Variants in PCSK6 observed in about 807,000 individuals in gnomAD.
The protein encoded by PCSK6 is paired basic amino acid cleaving enzyme 4.
A neutral mutation model predicts 123.3 loss-of-function variants in PCSK6; 85 were observed. The observed-to-expected ratio is 0.69, with a 90% CI of 0.58 to 0.83. PCSK6 has a LOEUF of 0.83. Ranked by LOEUF, PCSK6 falls within the 40% of genes least tolerant of loss-of-function variation. PCSK6 has a pLI of 0.00. For synonymous variants in PCSK6, 508 were observed against 516.0 expected (o/e 0.98, Z 0.21); for missense variants, 1,191 against 1,282.3 (o/e 0.93, Z 1.09).
At chr15:101,330,315 C>A (rs2040348140) in intron 15 of PCSK6, among the ~76,000 whole-genome samples, 1 of 152,210 alleles carries the variant, frequency 6.6e-6, no homozygotes, top group African/African-American at 2.4e-5. Context: ...CGCTCACTTC[C>A]TCTATTTCTT....
rs10666147 is a variant in PCSK6 at position 101,409,584 on chromosome 15, CA to C, written c.824-11009del. ...TGGGCGACAGAGTAAGACTCCGTCT[CA>C]AAAAAAAAAAAAAAATGCAGGGAAA... On this transcript the variant is annotated intron_variant, in intron 6 of 21. Coordinates refer to ENST00000611716, the MANE Select transcript of PCSK6 (RefSeq NM_002570.5). Among the ~76,000 whole-genome samples, 448 of 121,756 alleles carry C rather than the reference CA, an allele frequency of 3.7e-3. 1 individual carries two copies. The highest frequency in any genetic ancestry group is 6.9e-3 in the African/African-American group (226 of 32,706). The allele number at this position is 121,756 out of a possible 152,430, so 79.9% of individuals were successfully genotyped here.
intron 6 of PCSK6, among the ~76,000 whole-genome samples, chr15:101,422,817 T>C (rs750019791): frequency 6.6e-6 from 1 of 151,724 alleles, no homozygotes; most frequent in African/African-American, 2.4e-5. Context: ...GAGATGGGGT[T>C]TCACTGTGTT....
intron 1 of PCSK6, among the ~76,000 whole-genome samples, chr15:101,457,132 AC>A (rs1197008360): frequency 1.3e-5 from 2 of 152,190 alleles, no homozygotes; most frequent in Non-Finnish European, 2.9e-5. Flanking sequence ...AGATCGTGCC[AC>A]CGCACTCCAG....
chr15:101,438,576 C>G (rs2056667937), intron 2 of PCSK6, among the ~76,000 whole-genome samples: 2 of 152,230 alleles, frequency 1.3e-5, no homozygotes, highest in South Asian at 4.1e-4. Context: ...CCAAGTTCCT[C>G]TCTCCCGAGG....
intron 20 of PCSK6, chr15:101,309,205 G>C (rs8023325): frequency 0.044 from 6,665 of 152,636 alleles, 238 homozygotes; most frequent in Non-Finnish European, 0.061. Flanking sequence ...CGAGGTTCAG[G>C]GCAAGGTGGT....
At chr15:101,356,596 C>T (rs890172600) in intron 13 of PCSK6, among the ~76,000 whole-genome samples, 2 of 151,304 alleles carry the variant, frequency 1.3e-5, no homozygotes, top group African/African-American at 4.9e-5. Flanking sequence ...AGAAGAATCG[C>T]TTAAACCTGG....
chr15:101,335,250 C>T (rs757061958), intron 13 of PCSK6, among the ~76,000 whole-genome samples: 12 of 152,180 alleles, frequency 7.9e-5, no homozygotes, highest in South Asian at 4.1e-4. Flanking sequence ...GTGAGCCACG[C>T]GCCCAGCCTG....
At chr15:101,322,192 G>A (rs545578487) in intron 18 of PCSK6, among the ~76,000 whole-genome samples, 15 of 152,300 alleles carry the variant, frequency 9.8e-5, no homozygotes, top group East Asian at 3.9e-4. Flanking sequence ...GCCCATCCCC[G>A]GCCCAGACAG....
intron 12 of PCSK6, among the ~76,000 whole-genome samples, chr15:101,369,201 G>T (rs1417066386): frequency 6.6e-6 from 1 of 152,238 alleles, no homozygotes; most frequent in African/African-American, 2.4e-5. Context: ...GCTGTGGGGG[G>T]CACAGCACAG....
At chr15:101,346,544 G>A (rs149382330) in intron 13 of PCSK6, 82 of 275,688 alleles carry the variant, frequency 3.0e-4, no homozygotes, top group Non-Finnish European at 4.4e-4. Flanking sequence ...AGTGTTTCTG[G>A]AAATAGGTAA....
At position 101,460,694 on chromosome 15, in the gene PCSK6, C is replaced by T. The variant is rs936347952; in HGVS notation, c.298-17034G>A. On this transcript the variant is annotated intron_variant, in intron 1 of 21. Transcript: ENST00000611716. ...GTCTAAGAACTGATTTCCAAGAAAG[C>T]ATAGTCTTTGGCTGTAATGCAATTA... Among the ~76,000 whole-genome samples, 105 of 152,322 alleles carry T rather than the reference C, an allele frequency of 6.9e-4. 1 individual carries two copies. Among genetic ancestry groups the T allele is most frequent in the African/African-American group, 2.4e-3 (101 of 41,568 alleles).
chr15:101,434,331 C>T (rs2056534878), intron 2 of PCSK6, among the ~76,000 whole-genome samples: 1 of 152,196 alleles, frequency 6.6e-6, no homozygotes, highest in African/African-American at 2.4e-5. Context: ...AACATCCAGC[C>T]CCTTCCAATT....
intron 13 of PCSK6, chr15:101,347,780 G>A (rs369001004): frequency 3.5e-5 from 56 of 1,611,296 alleles, no homozygotes; most frequent in Non-Finnish European, 4.6e-5. Context: ...CAGGTTCCCT[G>A]GAAAACAAGG....
At chr15:101,363,146 T>C (rs2041285031) in intron 13 of PCSK6, among the ~76,000 whole-genome samples, 1 of 151,998 alleles carries the variant, frequency 6.6e-6, no homozygotes, top group Non-Finnish European at 1.5e-5. Flanking sequence ...GTTGGCCTAA[T>C]AGGAAGGGGA....
chr15:101,405,128 G>GC (rs2042731201), intron 6 of PCSK6, among the ~76,000 whole-genome samples: 1 of 152,168 alleles, frequency 6.6e-6, no homozygotes, highest in South Asian at 2.1e-4. Flanking sequence ...TTCAGTAGAA[G>GC]CCTGCTGTTC....
chr15:101,306,458 C>T (rs1379888900), intron 21 of PCSK6, among the ~76,000 whole-genome samples: 2 of 152,176 alleles, frequency 1.3e-5, no homozygotes, highest in South Asian at 2.1e-4. Flanking sequence ...ACCCAAGGAC[C>T]ACCTGCCCTG....
rs989059317 is a variant in PCSK6 at position 101,332,260 on chromosome 15, G to T, written c.1859-229C>A. Among the ~76,000 whole-genome samples, 7 of 151,994 alleles carry T rather than the reference G, an allele frequency of 4.6e-5. 1 individual carries two copies. Among genetic ancestry groups the T allele is most frequent in the Non-Finnish European group, 1.0e-4 (7 of 67,998 alleles). On this transcript the variant is annotated intron_variant, in intron 13 of 21. Coordinates refer to ENST00000611716, the MANE Select transcript of PCSK6 (RefSeq NM_002570.5). Reference sequence around the variant, plus strand: ...AGTGCCCTTTTATTCCTGTTCTATCGAGCTGCCCTCCGCTTCCTGTCCCTG... The same window carrying T: ...AGTGCCCTTTTATTCCTGTTCTATCTAGCTGCCCTCCGCTTCCTGTCCCTG...
intron 12 of PCSK6, among the ~76,000 whole-genome samples, chr15:101,370,082 T>C (rs1020238683): frequency 7.2e-5 from 11 of 152,240 alleles, no homozygotes; most frequent in Admixed American, 3.3e-4. Flanking sequence ...ACAACTCTTT[T>C]GTCACTTCTC....
chr15:101,318,226 A>T (rs772663397), intron 19 of PCSK6, 93 bp downstream of exon 19: 4 of 870,550 alleles, frequency 4.6e-6, no homozygotes, highest in Non-Finnish European at 7.3e-6. Flanking sequence ...TAAATGCAGA[A>T]GCCCACGAAG....
Sources: allele counts gnomAD v4.1 joint callset (sites outside exome capture counted in the v4.1 genomes callset), GRCh38; gene constraint gnomAD v4.1.1; transcripts MANE v1.5; gene names NCBI Gene and HGNC (gene_info 2026-07-23, HGNC 2026-07-21).